TMEM178A: variants seen among roughly 807,000 people sequenced by gnomAD.
The protein encoded by TMEM178A is transmembrane protein 178.
TMEM178A carries 12 observed loss-of-function variants against 29.1 expected under a neutral mutation model. The ratio of observed to expected loss-of-function variants is 0.41; its 90% confidence interval spans 0.26 to 0.67. The LOEUF (loss-of-function observed/expected upper bound fraction) is 0.67. Among genes scored for constraint, TMEM178A ranks in the 30% least tolerant of loss-of-function variants. TMEM178A has a pLI of 0.29. For synonymous variants in TMEM178A, 210 were observed against 187.2 expected (o/e 1.12, Z -0.99); for missense variants, 366 against 419.1 (o/e 0.87, Z 1.11).
At chr2:39,715,571 G>C in intron 3 of TMEM178A, among the ~76,000 whole-genome samples, 1 of 152,214 alleles carries the variant, frequency 6.6e-6, no homozygotes, top group East Asian at 1.9e-4. Flanking sequence ...ATTGGAGCAA[G>C]AAGTCAGAAG....
At chr2:39,675,348 C>G (rs1440435397) in intron 1 of TMEM178A, among the ~76,000 whole-genome samples, 2 of 152,112 alleles carry the variant, frequency 1.3e-5, no homozygotes, top group African/African-American at 4.8e-5. Context: ...TACCAGTCCT[C>G]TGAACAGGTC....
At chr2:39,731,665 A>C in the TMEM178A span, among the ~76,000 whole-genome samples, 1 of 152,196 alleles carries the variant, frequency 6.6e-6, no homozygotes, top group Non-Finnish European at 1.5e-5. Context: ...TCACGTTGGG[A>C]ATCAAATTTC....
intron 1 of TMEM178A, among the ~76,000 whole-genome samples, chr2:39,672,657 A>G (rs769712171): frequency 4.0e-4 from 61 of 151,954 alleles, no homozygotes; most frequent in African/African-American, 1.3e-3. Flanking sequence ...CAGCCTCCCA[A>G]GTAGCTGGGA....
At chr2:39,724,311 C>T in the TMEM178A span, among the ~76,000 whole-genome samples, 29 of 151,912 alleles carry the variant, frequency 1.9e-4, no homozygotes, top group African/African-American at 5.6e-4. Flanking sequence ...TCTAGCCTTA[C>T]GGTTAGAGGT....
At chr2:39,675,185 A>G (rs1215067309) in intron 1 of TMEM178A, among the ~76,000 whole-genome samples, 1 of 152,096 alleles carries the variant, frequency 6.6e-6, no homozygotes, top group Non-Finnish European at 1.5e-5. Context: ...TTTTGTATAG[A>G]AGATGTAGGG....
intron 3 of TMEM178A, among the ~76,000 whole-genome samples, chr2:39,710,095 C>T (rs577469912): frequency 1.9e-4 from 29 of 152,246 alleles, no homozygotes; most frequent in Non-Finnish European, 1.6e-4. Context: ...GTGGATTGTA[C>T]CTCTGGACCA....
intron 1 of TMEM178A, among the ~76,000 whole-genome samples, chr2:39,690,518 A>G (rs909227391): frequency 2.0e-5 from 3 of 152,216 alleles, no homozygotes; most frequent in Non-Finnish European, 4.4e-5. Flanking sequence ...AAGGCCAACA[A>G]TACTAAGATG....
chr2:39,687,897 G>A (rs1671150613), intron 1 of TMEM178A, among the ~76,000 whole-genome samples: 1 of 152,212 alleles, frequency 6.6e-6, no homozygotes, highest in African/African-American at 2.4e-5. Flanking sequence ...TGATTTTGGA[G>A]GCAGATGCAA....
At chr2:39,684,668 A>T (rs1670998492) in intron 1 of TMEM178A, among the ~76,000 whole-genome samples, 1 of 152,144 alleles carries the variant, frequency 6.6e-6, no homozygotes, top group Non-Finnish European at 1.5e-5. Flanking sequence ...GCTCCTGATA[A>T]CTTACTGGAT....
chr2:39,727,603 C>G, the TMEM178A span, among the ~76,000 whole-genome samples: 4 of 152,126 alleles, frequency 2.6e-5, no homozygotes, highest in African/African-American at 9.7e-5. Flanking sequence ...TTCTAGGGTA[C>G]ATGTGCACAA....
At chr2:39,677,574 G>C (rs763535704) in intron 1 of TMEM178A, among the ~76,000 whole-genome samples, 15 of 152,198 alleles carry the variant, frequency 9.9e-5, no homozygotes, top group Non-Finnish European at 2.2e-4. Flanking sequence ...TTTCTGTGAA[G>C]TATCATCTGC....
chr2:39,674,236 G>T (rs1233744441), intron 1 of TMEM178A, among the ~76,000 whole-genome samples: 2 of 152,048 alleles, frequency 1.3e-5, no homozygotes, highest in African/African-American at 4.8e-5. Flanking sequence ...GTTTATAGCA[G>T]CACAATTCAC....
At chr2:39,732,202 C>A in the TMEM178A span, among the ~76,000 whole-genome samples, 6 of 152,160 alleles carry the variant, frequency 3.9e-5, no homozygotes, top group Non-Finnish European at 8.8e-5. Context: ...CTGTCTTTCA[C>A]CCTGAGTGGG....
downstream of TMEM178A, among the ~76,000 whole-genome samples, chr2:39,720,971 T>TTAGTAAC (rs577103353): frequency 3.3e-3 from 502 of 152,342 alleles, 1 homozygote; most frequent in Middle Eastern, 0.017. Flanking sequence ...AAACATTAAG[T>TTAGTAAC]TAGTAACCTC....
the TMEM178A span, among the ~76,000 whole-genome samples, chr2:39,734,640 A>G: frequency 6.6e-6 from 1 of 152,232 alleles, no homozygotes; most frequent in Non-Finnish European, 1.5e-5. Flanking sequence ...AAAACTGTCT[A>G]GCAAGCAAGT....
At chr2:39,710,994 T>G (rs1672276607) in intron 3 of TMEM178A, among the ~76,000 whole-genome samples, 1 of 152,230 alleles carries the variant, frequency 6.6e-6, no homozygotes, top group Non-Finnish European at 1.5e-5. Context: ...TCGATGCACA[T>G]CTGGAGCCAG....
At chr2:39,681,370 C>A (rs1670862439) in intron 1 of TMEM178A, among the ~76,000 whole-genome samples, 1 of 152,114 alleles carries the variant, frequency 6.6e-6, no homozygotes, top group Admixed American at 6.6e-5. Flanking sequence ...TGTATATGAT[C>A]TAAGGTATTG....
chr2:39,731,677 A>G, the TMEM178A span, among the ~76,000 whole-genome samples: 7 of 152,166 alleles, frequency 4.6e-5, no homozygotes, highest in African/African-American at 1.2e-4. Flanking sequence ...TCAAATTTCA[A>G]TGTGAGCTTC....
intron 1 of TMEM178A, among the ~76,000 whole-genome samples, chr2:39,666,938 C>G (rs1375501627): frequency 6.6e-6 from 1 of 152,220 alleles, no homozygotes; most frequent in Non-Finnish European, 1.5e-5. Context: ...CCTGGCAGGG[C>G]TGATGGGCAG....
Sources: allele counts gnomAD v4.1 joint callset (sites outside exome capture counted in the v4.1 genomes callset), GRCh38; gene constraint gnomAD v4.1.1; transcripts MANE v1.5; gene names NCBI Gene and HGNC (gene_info 2026-07-23, HGNC 2026-07-21).